GSK3B: variants seen among roughly 807,000 people sequenced by gnomAD.
GSK3B encodes glycogen synthase kinase-3 beta.
A neutral mutation model predicts 56.4 loss-of-function variants in GSK3B; 15 were observed. The observed-to-expected ratio is 0.27, with a 90% CI of 0.18 to 0.41. The LOEUF is 0.41. Among genes scored for constraint, GSK3B ranks in the 10% least tolerant of loss-of-function variants. The pLI is 1.00. For missense variants in GSK3B, 300 were observed against 513.4 expected, an observed-to-expected ratio of 0.58 and a Z score of 4.02; for synonymous variants, 181 against 188.9, an observed-to-expected ratio of 0.96 and a Z score of 0.34.
intron 2 of GSK3B, among the ~76,000 whole-genome samples, chr3:119,951,369 C>A (rs1263830393): frequency 6.6e-6 from 1 of 152,180 alleles, no homozygotes; most frequent in Non-Finnish European, 1.5e-5. Flanking sequence ...GACAGGAGTT[C>A]AAGACCAGCC....
At chr3:119,925,432 C>T (rs2107468052) in intron 3 of GSK3B, among the ~76,000 whole-genome samples, 1 of 152,180 alleles carries the variant, frequency 6.6e-6, no homozygotes, top group East Asian at 1.9e-4. Flanking sequence ...CACTCCTTCT[C>T]TAACCTCAGC....
rs537854357 is a variant in GSK3B at position 119,989,947 on chromosome 3, C to T, written c.282+12099G>A. On this transcript the variant is annotated intron_variant, in intron 2 of 10. Transcript: ENST00000264235. ...TCAGCAGGAAGTAGCCAGAAGAACA[C>T]GCCGTCCCTCCTCAAATTATAGGGT... Among the ~76,000 whole-genome samples, 5 of 152,276 alleles carry T rather than the reference C, an allele frequency of 3.3e-5. No homozygotes were observed. In the South Asian group the frequency reaches 8.3e-4, roughly 25 times the overall value.
At chr3:119,894,268 T>C (rs375156680) in intron 7 of GSK3B, among the ~76,000 whole-genome samples, 1 of 152,134 alleles carries the variant, frequency 6.6e-6, no homozygotes, top group African/African-American at 2.4e-5. Context: ...TTTTCAGTTA[T>C]TAGGATATAT....
intron 7 of GSK3B, among the ~76,000 whole-genome samples, chr3:119,896,631 C>A (rs914454772): frequency 1.3e-5 from 2 of 152,128 alleles, no homozygotes; most frequent in African/African-American, 4.8e-5. Context: ...CCCCTTTCTA[C>A]AAGATTGCTA....
intron 1 of GSK3B, among the ~76,000 whole-genome samples, chr3:120,069,579 T>C (rs1378781737): frequency 3.3e-5 from 5 of 152,204 alleles, no homozygotes; most frequent in East Asian, 1.9e-4. Flanking sequence ...TCCATCATAT[T>C]TGAACATTTT....
At chr3:119,862,504 C>A (rs1478133393) in intron 9 of GSK3B, among the ~76,000 whole-genome samples, 1 of 102,250 alleles carries the variant, frequency 9.8e-6, no homozygotes, top group Non-Finnish European at 2.1e-5. Context: ...TGCACATGTA[C>A]CCTAAAACTT....
At chr3:119,869,313 G>A (rs1325460838) in intron 8 of GSK3B, among the ~76,000 whole-genome samples, 2 of 149,676 alleles carry the variant, frequency 1.3e-5, no homozygotes. Context: ...GACATACAAG[G>A]TAATCCAATT....
intron 2 of GSK3B, among the ~76,000 whole-genome samples, chr3:119,987,185 G>A (rs770048674): frequency 1.3e-5 from 2 of 152,150 alleles, no homozygotes; most frequent in Non-Finnish European, 2.9e-5. Context: ...AGGGGATGAG[G>A]GACTGCGGGG....
chr3:120,049,086 G>T (rs1335734057), intron 1 of GSK3B, among the ~76,000 whole-genome samples: 3 of 152,178 alleles, frequency 2.0e-5, no homozygotes, highest in African/African-American at 7.2e-5. Context: ...CCTCCAAAAT[G>T]AATCTGTCTC....
At chr3:120,030,393 C>T (rs2057965485) in intron 1 of GSK3B, among the ~76,000 whole-genome samples, 1 of 152,172 alleles carries the variant, frequency 6.6e-6, no homozygotes, top group Non-Finnish European at 1.5e-5. Flanking sequence ...CCTTTAGAGA[C>T]TCCTATATTC....
intron 1 of GSK3B, among the ~76,000 whole-genome samples, chr3:120,077,418 T>G (rs1243172477): frequency 6.6e-6 from 1 of 152,154 alleles, no homozygotes; most frequent in Non-Finnish European, 1.5e-5. Flanking sequence ...CAATTATATG[T>G]GAAATCTTTT....
intron 3 of GSK3B, among the ~76,000 whole-genome samples, chr3:119,936,501 C>G (rs2056996508): frequency 6.6e-6 from 1 of 151,362 alleles, no homozygotes; most frequent in Non-Finnish European, 1.5e-5. Flanking sequence ...CGCACACCAC[C>G]ATACCTGGCT....
At chr3:119,892,099 C>T (rs1356734237) in intron 7 of GSK3B, among the ~76,000 whole-genome samples, 1 of 152,136 alleles carries the variant, frequency 6.6e-6, no homozygotes, top group African/African-American at 2.4e-5. Context: ...TCTTCCACAA[C>T]GTTGTTTATT....
At position 119,822,266 on chromosome 3, in the gene GSK3B, T is replaced by A. The variant is rs185634268; in HGVS notation, c.*4522A>T. ...CTTTATATATATATATATATATATA[T>A]AATAAATTTTGTTTTTTAGGTTTGT... is the stretch of plus-strand genomic sequence containing the variant. On this transcript the variant is annotated 3_prime_UTR_variant, in exon 11 of 11. Transcript: ENST00000264235. 1.2e-3 allele frequency: 198 copies of A among 171,622 alleles called. No homozygotes were observed. Among genetic ancestry groups the A allele is most frequent in the East Asian group, 2.2e-3 (21 of 9,664 alleles). The allele number at this position is 171,622 out of a possible 1,614,324, so 10.6% of individuals were successfully genotyped here.
intron 3 of GSK3B, among the ~76,000 whole-genome samples, chr3:119,938,507 T>C (rs1401607240): frequency 6.6e-6 from 1 of 151,780 alleles, no homozygotes; most frequent in Non-Finnish European, 1.5e-5. Context: ...TAATATATCA[T>C]GTTAATAAAA....
At chr3:120,018,365 T>C (rs1287725818) in intron 1 of GSK3B, among the ~76,000 whole-genome samples, 2 of 152,068 alleles carry the variant, frequency 1.3e-5, no homozygotes, top group African/African-American at 4.8e-5. Context: ...GGTGGTTCCA[T>C]AGGGCCAACT....
chr3:119,975,195 C>CCAGA (rs772402592), intron 2 of GSK3B, among the ~76,000 whole-genome samples: 2 of 152,030 alleles, frequency 1.3e-5, no homozygotes, highest in Non-Finnish European at 2.9e-5. Context: ...GCCTGTAATC[C>CCAGA]CAGAACTTTG....
chr3:119,982,327 C>T (rs563440073), intron 2 of GSK3B, among the ~76,000 whole-genome samples: 19 of 152,242 alleles, frequency 1.2e-4, no homozygotes, highest in Non-Finnish European at 2.4e-4. Flanking sequence ...GGCAGCTCCT[C>T]GCCAGCAACA....
chr3:120,078,016 A>G (rs2058381653), intron 1 of GSK3B, among the ~76,000 whole-genome samples: 1 of 152,214 alleles, frequency 6.6e-6, no homozygotes, highest in South Asian at 2.1e-4. Flanking sequence ...ATGGAATGAG[A>G]GTGCTTGGCA....
Sources: allele counts gnomAD v4.1 joint callset (sites outside exome capture counted in the v4.1 genomes callset), GRCh38; gene constraint gnomAD v4.1.1; transcripts MANE v1.5; gene names NCBI Gene and HGNC (gene_info 2026-07-23, HGNC 2026-07-21).